The following LONRF1 variants were observed in gnomAD, a reference collection of about 807,000 sequenced individuals.
The protein encoded by LONRF1 is LON peptidase N-terminal domain and RING finger protein 1.
A neutral mutation model predicts 85.8 loss-of-function variants in LONRF1; 37 were observed. The observed-to-expected ratio is 0.43, with a 90% CI of 0.33 to 0.57. LONRF1 has a LOEUF of 0.57. Ranked by LOEUF, LONRF1 falls within the 20% of genes least tolerant of loss-of-function variation. The pLI, the probability that LONRF1 is intolerant of heterozygous loss-of-function variation, is 0.04. For missense variants in LONRF1, 1,036 were observed against 978.0 expected (o/e 1.06, Z -0.79); for synonymous variants, 517 against 390.1 (o/e 1.33, Z -3.83).
At chr8:12,737,225 T>G in intron 4 of LONRF1, 85 bp from the exon 5 acceptor site, 2 of 1,442,090 alleles carry the variant, frequency 1.4e-6, no homozygotes, top group Non-Finnish European at 1.9e-6. Context: ...AAATGAAATT[T>G]CAATGCCTTA....
intron 2 of LONRF1, 62 bp from the exon 3 acceptor site, chr8:12,741,058 T>A: frequency 1.3e-6 from 2 of 1,581,822 alleles, no homozygotes; most frequent in East Asian, 2.3e-5. Flanking sequence ...AAAATCATTA[T>A]CAAGTAAAGA....
chr8:12,733,099 T>C (rs141342668), intron 7 of LONRF1, among the ~76,000 whole-genome samples: 217 of 152,220 alleles, frequency 1.4e-3, no homozygotes, highest in African/African-American at 4.8e-3. Context: ...TCCAAGAATC[T>C]ATGTTTCTAA....
At chr8:12,751,530 C>G (rs1342638057) in intron 1 of LONRF1, among the ~76,000 whole-genome samples, 1 of 151,370 alleles carries the variant, frequency 6.6e-6, no homozygotes, top group Non-Finnish European at 1.5e-5. Flanking sequence ...GTCTCGAACT[C>G]CTGGCCTCAT....
At chr8:12,737,215 A>G in intron 4 of LONRF1, 75 bp from the exon 5 acceptor site, 2 of 1,539,912 alleles carry the variant, frequency 1.3e-6, no homozygotes, top group Middle Eastern at 3.4e-4. Context: ...AATCAAACTG[A>G]AATGAAATTT....
intron 7 of LONRF1, 36 bp downstream of exon 7, chr8:12,735,250 T>G (rs1392829819): frequency 7.1e-7 from 1 of 1,418,068 alleles, no homozygotes; most frequent in African/African-American, 1.4e-5. Flanking sequence ...CTGCCAAACT[T>G]AAGACCAACA....
At chr8:12,742,498 T>G (rs1343396172) in intron 2 of LONRF1, among the ~76,000 whole-genome samples, 4 of 152,220 alleles carry the variant, frequency 2.6e-5, no homozygotes, top group Non-Finnish European at 5.9e-5. Flanking sequence ...AGTTACCATA[T>G]AATACCTCAA....
intron 10 of LONRF1, 28 bp from the exon 11 acceptor site, chr8:12,725,907 C>T: frequency 6.3e-7 from 1 of 1,591,164 alleles, no homozygotes; most frequent in Non-Finnish European, 8.6e-7. Context: ...AGTAAGACTT[C>T]TGTGTCTAAT....
At chr8:12,748,334 T>G (rs1455553022) in intron 1 of LONRF1, among the ~76,000 whole-genome samples, 2 of 152,226 alleles carry the variant, frequency 1.3e-5, no homozygotes, top group Admixed American at 1.3e-4. Context: ...TAGCTGGGAC[T>G]CCAGGTGCAT....
chr8:12,725,930 T>C, intron 10 of LONRF1, 51 bp from the exon 11 acceptor site: 6 of 1,536,402 alleles, frequency 3.9e-6, no homozygotes, highest in Non-Finnish European at 5.3e-6. Flanking sequence ...CCCGTCCATA[T>C]GCCATATGCC....
intron 10 of LONRF1, among the ~76,000 whole-genome samples, chr8:12,726,442 T>G (rs1338953086): frequency 1.3e-5 from 2 of 152,180 alleles, no homozygotes; most frequent in East Asian, 3.8e-4. Flanking sequence ...GAGAGTCAAT[T>G]ACACAATGAT....
chr8:12,732,804 G>C (rs187862599), intron 7 of LONRF1, among the ~76,000 whole-genome samples: 1 of 152,268 alleles, frequency 6.6e-6, no homozygotes, highest in East Asian at 1.9e-4. Flanking sequence ...CAGGGACATG[G>C]TCAGGGTGTA....
chr8:12,723,659 T>C (rs553409174), intron 11 of LONRF1, among the ~76,000 whole-genome samples: 14 of 152,334 alleles, frequency 9.2e-5, no homozygotes, highest in African/African-American at 3.4e-4. Flanking sequence ...CAGATGCCAG[T>C]AGCACCTTCC....
chr8:12,752,286 A>AC (rs748049032), intron 1 of LONRF1, among the ~76,000 whole-genome samples: 2 of 152,358 alleles, frequency 1.3e-5, no homozygotes, highest in Admixed American at 6.5e-5. Context: ...GATTGTACAA[A>AC]CAGCTTATGA....
rs532814045 is a variant in LONRF1 at position 12,744,891 on chromosome 8, C to G, written c.722-1609G>C. On this transcript the variant is annotated intron_variant, in intron 1 of 11. Coordinates refer to ENST00000398246, the MANE Select transcript of LONRF1 (RefSeq NM_152271.5). ...TTGGATTTTTATTTTTTTTAACTTCCATTTTTTCTTATACATCAAGTTCTC... is the reference window on the plus strand; with the variant it reads ...TTGGATTTTTATTTTTTTTAACTTCGATTTTTTCTTATACATCAAGTTCTC... Among the ~76,000 whole-genome samples the G allele has an allele frequency of 1.5e-4, 23 of 152,038 alleles. No individual in the cohort carries two copies. In the East Asian group the frequency reaches 3.3e-3, roughly 22 times the overall value.
At chr8:12,747,507 T>G (rs1007230801) in intron 1 of LONRF1, among the ~76,000 whole-genome samples, 6 of 152,174 alleles carry the variant, frequency 3.9e-5, no homozygotes, top group South Asian at 4.1e-4. Context: ...AAGAAAAAAT[T>G]AGCACAAATT....
chr8:12,754,547 ACCC>A (rs1799552230), intron 1 of LONRF1, among the ~76,000 whole-genome samples, 150 bp downstream of exon 1: 1 of 146,098 alleles, frequency 6.8e-6, no homozygotes, highest in Non-Finnish European at 1.5e-5. Context: ...CCCCTCCCAC[ACCC>A]CCCAGCACCC....
In LONRF1 at chr8:12,751,309, T is replaced by TTGTTTTTTTTTTTTG. The variant is rs1418119452; in HGVS notation, c.721+3390_721+3391insCAAAAAAAAAAAACA. Among the ~76,000 whole-genome samples, 10 of 132,606 alleles carry TTGTTTTTTTTTTTTG rather than the reference T, an allele frequency of 7.5e-5. No homozygotes were observed. In the East Asian group the frequency reaches 1.3e-3, roughly 17 times the overall value. The allele number at this position is 132,606 out of a possible 152,430, so 87.0% of individuals were successfully genotyped here. A position where few individuals can be genotyped will look rare whatever the true frequency, so the allele number is the denominator to read the frequency against. The stretch of plus-strand genomic sequence containing the variant: ...TTTTATTTTTATGTTTTTTTTTTTT[T>TTGTTTTTTTTTTTTG]TTTTTTTTTTTGAGACTGAGTCTTG... On this transcript the variant is annotated intron_variant, in intron 1 of 11. Coordinates refer to ENST00000398246, the MANE Select transcript of LONRF1 (RefSeq NM_152271.5).
intron 10 of LONRF1, among the ~76,000 whole-genome samples, chr8:12,726,219 A>G (rs1472064359): frequency 6.6e-6 from 1 of 152,156 alleles, no homozygotes; most frequent in East Asian, 1.9e-4. Context: ...GTCTTTATGG[A>G]TCAATGGTTT....
intron 1 of LONRF1, among the ~76,000 whole-genome samples, chr8:12,747,990 CT>C (rs910101000): frequency 6.6e-6 from 1 of 151,764 alleles, no homozygotes; most frequent in Non-Finnish European, 1.5e-5. Flanking sequence ...TTATAATCTG[CT>C]TTTTTTCCCA....
Sources: allele counts gnomAD v4.1 joint callset (sites outside exome capture counted in the v4.1 genomes callset), GRCh38; gene constraint gnomAD v4.1.1; transcripts MANE v1.5; gene names NCBI Gene and HGNC (gene_info 2026-07-23, HGNC 2026-07-21).